NAALADL2: variants seen among roughly 807,000 people sequenced by gnomAD.
NAALADL2 encodes the protein inactive N-acetylated-alpha-linked acidic dipeptidase-like protein 2.
In NAALADL2, 76 loss-of-function variants were observed where a neutral mutation model predicts 87.2. That is an observed-to-expected ratio of 0.87 (90% CI 0.72 to 1.05). NAALADL2 has a LOEUF of 1.05. Among genes scored for constraint, NAALADL2 ranks in the 50% least tolerant of loss-of-function variants. The pLI is 0.00. For missense variants in NAALADL2, 1,089 were observed against 945.8 expected (o/e 1.15, Z -1.99); for synonymous variants, 354 against 331.0 (o/e 1.07, Z -0.75).
chr3:174,603,712 A>ATAGC (rs1458908447), intron 2 of NAALADL2, among the ~76,000 whole-genome samples: 2 of 152,030 alleles, frequency 1.3e-5, no homozygotes, highest in African/African-American at 4.8e-5. Context: ...GTAGGCACTT[A>ATAGC]TAGCTATAAA....
At chr3:175,488,879 C>A (rs565171603) in intron 9 of NAALADL2, among the ~76,000 whole-genome samples, 2 of 152,116 alleles carry the variant, frequency 1.3e-5, no homozygotes, top group African/African-American at 4.8e-5. Flanking sequence ...TGGTTATAAG[C>A]CAGATATATA....
intron 5 of NAALADL2, among the ~76,000 whole-genome samples, chr3:175,350,149 T>C (rs1177627374): frequency 6.6e-6 from 1 of 152,198 alleles, no homozygotes; most frequent in Non-Finnish European, 1.5e-5. Context: ...TCCCTTGTTT[T>C]AGTAGGCTGG....
intron 1 of NAALADL2, among the ~76,000 whole-genome samples, chr3:174,894,013 GAT>G (rs1482643053): frequency 6.6e-6 from 1 of 152,006 alleles, no homozygotes; most frequent in Non-Finnish European, 1.5e-5. Flanking sequence ...TGAAAATAAA[GAT>G]ATTTCTTGTC....
intron 1 of NAALADL2, among the ~76,000 whole-genome samples, chr3:174,457,527 A>G (rs1021832692): frequency 9.2e-5 from 14 of 152,128 alleles, no homozygotes; most frequent in African/African-American, 3.1e-4. Flanking sequence ...CCATACAGCC[A>G]TAGAAAGAGT....
At chr3:175,710,723 T>A (rs1740420401) in intron 11 of NAALADL2, among the ~76,000 whole-genome samples, 1 of 151,710 alleles carries the variant, frequency 6.6e-6, no homozygotes, top group South Asian at 2.1e-4. Context: ...GAAAGACATA[T>A]GTACATATAA....
intron 9 of NAALADL2, among the ~76,000 whole-genome samples, chr3:175,546,555 C>A (rs1340199370): frequency 1.3e-5 from 2 of 152,048 alleles, no homozygotes; most frequent in East Asian, 3.8e-4. Flanking sequence ...GTGCTTCCCT[C>A]AGGGGCTCTT....
intron 1 of NAALADL2, among the ~76,000 whole-genome samples, chr3:174,939,590 G>T (rs537941797): frequency 6.6e-6 from 1 of 151,978 alleles, no homozygotes; most frequent in Non-Finnish European, 1.5e-5. Flanking sequence ...TCTGTAAATT[G>T]CTTTGAGTGA....
Position 175,614,355 on chromosome 3 carries a change from G to A in NAALADL2, c.1801-12936G>A, listed in dbSNP as rs190157436. Reference sequence around the variant, plus strand: ...CGTGAGCCACCACCCTCGGCCTGGCGTGCCAGAATCTCTTAAACAATCTAG... The same window carrying A: ...CGTGAGCCACCACCCTCGGCCTGGCATGCCAGAATCTCTTAAACAATCTAG... On this transcript the variant is annotated intron_variant, in intron 10 of 13. Coordinates refer to ENST00000454872, the MANE Select transcript of NAALADL2 (RefSeq NM_207015.3). 1.8e-4 allele frequency among the ~76,000 whole-genome samples: 27 copies of A among 152,236 alleles called. No individual in the cohort carries two copies. The East Asian group carries it at 2.7e-3, about 15-fold the overall frequency.
intron 6 of NAALADL2, among the ~76,000 whole-genome samples, chr3:175,456,416 G>A (rs1722328021): frequency 6.6e-6 from 1 of 151,860 alleles, no homozygotes; most frequent in South Asian, 2.1e-4. Flanking sequence ...TTACATGAAA[G>A]GCAGAAATTG....
At chr3:175,629,188 A>ATGAAT (rs1727421772) in intron 11 of NAALADL2, among the ~76,000 whole-genome samples, 1 of 147,292 alleles carries the variant, frequency 6.8e-6, no homozygotes, top group African/African-American at 2.5e-5. Flanking sequence ...TACACACATA[A>ATGAAT]AAACATGCAT....
At chr3:175,406,894 G>A (rs1477634006) in intron 5 of NAALADL2, among the ~76,000 whole-genome samples, 1 of 151,720 alleles carries the variant, frequency 6.6e-6, no homozygotes, top group Non-Finnish European at 1.5e-5. Flanking sequence ...TTTATTAAAA[G>A]TGTCGGCCGG....
chr3:175,569,788 T>C (rs911103773), intron 9 of NAALADL2, among the ~76,000 whole-genome samples: 3 of 151,546 alleles, frequency 2.0e-5, no homozygotes, highest in Non-Finnish European at 4.4e-5. Flanking sequence ...AGCCACCTGT[T>C]ACAGCATTCT....
At chr3:175,053,149 A>G (rs1209905744) in intron 1 of NAALADL2, among the ~76,000 whole-genome samples, 1 of 152,206 alleles carries the variant, frequency 6.6e-6, no homozygotes, top group Non-Finnish European at 1.5e-5. Flanking sequence ...CAGATTTATT[A>G]TGGTAAGTAC....
rs10663163 is a variant in NAALADL2, at chr3:175,628,609, C to CTATGTGTATATATATATATA, written c.1896+1224_1896+1225insATGTGTATATATATATATAT. Among the ~76,000 whole-genome samples the CTATGTGTATATATATATATA allele has an allele frequency of 1.1e-3, 139 of 132,200 alleles. 1 individual carries two copies. In the Middle Eastern group the frequency reaches 0.012, roughly 12 times the overall value. 86.7% of individuals were successfully genotyped at this position (132,200 alleles called of 152,430 possible). On this transcript the variant is annotated intron_variant, in intron 11 of 13. Coordinates refer to ENST00000454872, the MANE Select transcript of NAALADL2 (RefSeq NM_207015.3). Reference sequence around the variant, plus strand: ...TTTTAGTACCATTAAAATAATCTCTCTCTCTATGTATATATATATATATAT... The same window carrying CTATGTGTATATATATATATA: ...TTTTAGTACCATTAAAATAATCTCTCTATGTGTATATATATATATATCTCTATGTATATATATATATATAT...
chr3:175,059,893 G>A (rs1327985053), intron 1 of NAALADL2: 7 of 363,338 alleles, frequency 1.9e-5, no homozygotes, highest in Admixed American at 3.5e-5. Context: ...CGAGTTCACA[G>A]GCAATGGGCC....
chr3:175,171,986 G>C (rs1038056896), intron 2 of NAALADL2, among the ~76,000 whole-genome samples: 1 of 152,052 alleles, frequency 6.6e-6, no homozygotes, highest in East Asian at 1.9e-4. Context: ...CTAAGTTGTA[G>C]TATTGGATAT....
At chr3:174,470,554 A>T (rs559542679) in intron 1 of NAALADL2, among the ~76,000 whole-genome samples, 91 of 152,174 alleles carry the variant, frequency 6.0e-4, no homozygotes, top group African/African-American at 2.1e-3. Context: ...CTTTGACTAG[A>T]TCAATGTCTA....
chr3:175,274,842 A>T (rs1052367604), intron 4 of NAALADL2, among the ~76,000 whole-genome samples: 3 of 152,128 alleles, frequency 2.0e-5, no homozygotes, highest in African/African-American at 4.8e-5. Context: ...ACATATTTAG[A>T]GTTATATTTT....
chr3:175,424,293 T>C (rs948758378), intron 5 of NAALADL2, among the ~76,000 whole-genome samples: 2 of 152,214 alleles, frequency 1.3e-5, no homozygotes, highest in African/African-American at 2.4e-5. Context: ...TTGGCTTTTG[T>C]TGTCATTGTT....
Sources: allele counts gnomAD v4.1 joint callset (sites outside exome capture counted in the v4.1 genomes callset), GRCh38; gene constraint gnomAD v4.1.1; transcripts MANE v1.5; gene names NCBI Gene and HGNC (gene_info 2026-07-23, HGNC 2026-07-21).